Variants in MAP7D1 observed in about 807,000 individuals in gnomAD.
MAP7D1 encodes MAP7 domain containing 1, also known as MAP7 domain-containing protein 1.
MAP7D1 carries 30 observed loss-of-function variants against 97.5 expected under a neutral mutation model. That is an observed-to-expected ratio of 0.31 (90% CI 0.23 to 0.42). MAP7D1 has a LOEUF of 0.42. Ranked by LOEUF, MAP7D1 falls within the 10% of genes least tolerant of loss-of-function variation. The pLI, the probability that MAP7D1 is intolerant of heterozygous loss-of-function variation, is 1.00. For synonymous variants in MAP7D1, 536 were observed against 477.1 expected (o/e 1.12, Z -1.61); for missense variants, 1,184 against 1,179.5 (o/e 1.00, Z -0.06).
chr1:36,171,000 A>G lies in MAP7D1; in HGVS notation c.76A>G (p.Arg26Gly), dbSNP rs1557776181. 6.5e-7 allele frequency: 1 copy of G among 1,529,634 alleles called. No homozygotes were observed. Among genetic ancestry groups the G allele is most frequent in the South Asian group, 1.2e-5 (1 of 86,892 alleles). 94.8% of individuals were successfully genotyped at this position (1,529,634 alleles called of 1,614,324 possible). A position where few individuals can be genotyped will look rare whatever the true frequency, so the allele number is the denominator to read the frequency against. Reference protein sequence around the residue: ...AVVARTPPEPRPSPEGDPSPP... With the variant: ...AVVARTPPEPGPSPEGDPSPP... ...GGTCGCCAGGACCCCCCCAGAGCCA[A>G]GACCTTCTCCAGAAGGTGACCCTTC... The change falls in exon 2 of 17, where the codon AGA (arginine) becomes GGA (glycine). Residue 26 changes from arginine (R) to glycine (G), a missense_variant. By Grantham distance (125) the Arg-to-Gly change is moderately radical. Transcript: ENST00000474796.
At position 36,177,954 on chromosome 1, in the gene MAP7D1, C is replaced by A. The variant is rs1433681465; in HGVS notation, c.1461C>A (p.Gly487=). Residue 487 remains glycine (G), a synonymous_variant, in exon 9 of 17, where the codon GGC becomes GGA. Transcript: ENST00000474796. The stretch of plus-strand genomic sequence containing the variant: ...CCCCCTGCCCCAGCCCAGGGCCAGG[C>A]CACACTCTGCCTCCAAAGCCACCGT... ...PASPCPSPGP[G]HTLPPKPPSP... is the part of the protein sequence containing the mutation. 1.1e-5 allele frequency: 18 copies of A among 1,598,244 alleles called. No homozygotes were observed. The highest frequency in any genetic ancestry group is 1.2e-5 in the Non-Finnish European group (14 of 1,170,266).
At chr1:36,161,910 TGAGA>T (rs1553183493) in intron 1 of MAP7D1, among the ~76,000 whole-genome samples, 3 of 105,642 alleles carry the variant, frequency 2.8e-5, no homozygotes, top group South Asian at 3.0e-4. Flanking sequence ...TGTGTGTGTG[TGAGA>T]GAGAGAGGAG....
Position 36,174,878 on chromosome 1 carries a change from C to G in MAP7D1, c.740-20C>G. On this transcript the variant is annotated intron_variant, in intron 5 of 16. Coordinates refer to ENST00000474796, the MANE Select transcript of MAP7D1 (RefSeq NM_001388490.1). The stretch of plus-strand genomic sequence containing the variant: ...CTCCTGCCGGGCCCGGCCCTAATGC[C>G]GTGTCTTTTCCCCCTCCAGGTGGGA... 6.6e-7 allele frequency: 1 copy of G among 1,521,730 alleles called. No homozygotes were observed. Among genetic ancestry groups the G allele is most frequent in the Non-Finnish European group, 9.1e-7 (1 of 1,096,518 alleles). 94.3% of individuals were successfully genotyped at this position (1,521,730 alleles called of 1,614,324 possible). A position where few individuals can be genotyped will look rare whatever the true frequency, so the allele number is the denominator to read the frequency against.
rs1463700744 is a variant in MAP7D1, at chr1:36,156,191, G to C, written c.-227G>C. 5 of 422,386 alleles carry C rather than the reference G, an allele frequency of 1.2e-5. No individual in the cohort carries two copies. The highest frequency in any genetic ancestry group is 2.1e-5 in the African/African-American group (1 of 48,012). 26.2% of individuals were successfully genotyped at this position (422,386 alleles called of 1,614,324 possible). On this transcript the variant is annotated 5_prime_UTR_variant, in exon 1 of 17. Coordinates refer to ENST00000474796, the MANE Select transcript of MAP7D1 (RefSeq NM_001388490.1). ...CCGAGGCCGGGACTGGGCCGGCGCCGGGCGGGGAACGGGTTCGCGACCGCA... is the reference window on the plus strand; with the variant it reads ...CCGAGGCCGGGACTGGGCCGGCGCCCGGCGGGGAACGGGTTCGCGACCGCA...
chr1:36,165,729 C>CTTTTTTT (rs34713399), intron 1 of MAP7D1, among the ~76,000 whole-genome samples: 1 of 118,292 alleles, frequency 8.5e-6, no homozygotes. Context: ...CAGTTTGTAG[C>CTTTTTTT]TTTTTTTTTT....
intron 2 of MAP7D1, 72 bp from the exon 3 acceptor site, chr1:36,171,441 G>A: frequency 6.3e-7 from 1 of 1,583,848 alleles, no homozygotes; most frequent in Admixed American, 1.7e-5. Flanking sequence ...GAGGCCCGGA[G>A]GGAGGGATCT....
In MAP7D1 at chr1:36,178,134, T is replaced by TTCGCCGGCGCCC. The variant is rs777074429; in HGVS notation, c.1647_1658dup (p.Ala550_Pro553dup). Reference sequence around the variant, plus strand: ...CAGCAGCCCCAGCCTCACCGGCACCTTCGCCGGCGCCCTCGCCCACCCCAG... The same window carrying TTCGCCGGCGCCC: ...CAGCAGCCCCAGCCTCACCGGCACCTTCGCCGGCGCCCTCGCCGGCGCCCTCGCCCACCCCAG... On this transcript the variant is annotated inframe_insertion, in exon 9 of 17. Coordinates refer to ENST00000474796, the MANE Select transcript of MAP7D1 (RefSeq NM_001388490.1). The TTCGCCGGCGCCC allele has an allele frequency of 5.0e-6, 8 of 1,585,714 alleles. No individual in the cohort carries two copies. The highest frequency in any genetic ancestry group is 6.9e-6 in the Non-Finnish European group (8 of 1,167,316).
In MAP7D1 at chr1:36,173,419, G is replaced by T; in HGVS notation, c.680G>T (p.Arg227Leu). The T allele has an allele frequency of 6.2e-7, 1 of 1,614,082 alleles. No homozygotes were observed. Among genetic ancestry groups the T allele is most frequent in the South Asian group, 1.1e-5 (1 of 91,064 alleles). ...GTGAAGAAGACGTGGGCCGAAATCCGGCAGCAGCGCTGGTCCTGGGCAGGG... is the reference window on the plus strand; with the variant it reads ...GTGAAGAAGACGTGGGCCGAAATCCTGCAGCAGCGCTGGTCCTGGGCAGGG... ...RSVKKTWAEI[R>L]QQRWSWAGAL... Residue 227 changes from arginine to leucine, a missense_variant, in exon 5 of 17, where the codon CGG (arginine) becomes CTG (leucine). Coordinates refer to ENST00000474796, the MANE Select transcript of MAP7D1 (RefSeq NM_001388490.1).
chr1:36,173,496 GC>G lies in MAP7D1; in HGVS notation c.739+19del. ...TAAGACCAGTGAGTAGGCTGGAGGG[GC>G]TGGGGAGTGGGTGGGCAAGGCTGGG... On this transcript the variant is annotated intron_variant, in intron 5 of 16. Coordinates refer to ENST00000474796, the MANE Select transcript of MAP7D1 (RefSeq NM_001388490.1). 1 of 1,567,920 alleles carries G rather than the reference GC, an allele frequency of 6.4e-7. No homozygotes were observed. Among genetic ancestry groups the G allele is most frequent in the Non-Finnish European group, 8.7e-7 (1 of 1,151,764 alleles).
At position 36,161,702 on chromosome 1, in the gene MAP7D1, T is replaced by C. The variant is rs578105640; in HGVS notation, c.46+5239T>C. Among the ~76,000 whole-genome samples the C allele has an allele frequency of 2.8e-4, 42 of 152,274 alleles. No homozygotes were observed. The South Asian group carries it at 8.7e-3, about 32-fold the overall frequency. On this transcript the variant is annotated intron_variant, in intron 1 of 16. Transcript: ENST00000474796. ...GGAGCAGAAGTGACCTGGATGACGC[T>C]GTATAAATATTCCGGGGACATTGTG...
chr1:36,165,645 G>C (rs1644464764), intron 1 of MAP7D1, among the ~76,000 whole-genome samples: 1 of 151,400 alleles, frequency 6.6e-6, no homozygotes, highest in Non-Finnish European at 1.5e-5. Flanking sequence ...TCAAACTCCT[G>C]GCCTTAAGGG....
chr1:36,180,830 A>AT lies in MAP7D1; in HGVS notation c.*573dup, dbSNP rs1269864509. On this transcript the variant is annotated 3_prime_UTR_variant, in exon 17 of 17. Transcript: ENST00000474796. ...TGCATCTGATTAAATGTCTCCAGAA[A>AT]TAAAGAATAATTCTGCCAATCCTGC... The AT allele has an allele frequency of 6.4e-6, 1 of 157,006 alleles. No homozygotes were observed. Among genetic ancestry groups the AT allele is most frequent in the Non-Finnish European group, 1.4e-5 (1 of 70,530 alleles). 9.7% of individuals were successfully genotyped at this position (157,006 alleles called of 1,614,324 possible).
At position 36,178,008 on chromosome 1, in the gene MAP7D1, G is replaced by A; in HGVS notation, c.1515G>A (p.Lys505=). Residue 505 remains lysine (K), a synonymous_variant, in exon 9 of 17, where the codon AAG becomes AAA. Coordinates refer to ENST00000474796, the MANE Select transcript of MAP7D1 (RefSeq NM_001388490.1). ...CCCGAGGCACCACTGCATCCCCCAA[G>A]GGGCGGGTTCGGAGGAAGGAGGAGG... ...PSPRGTTASP[K]GRVRRKEEAK... 3 of 1,613,490 alleles carry A rather than the reference G, an allele frequency of 1.9e-6. No homozygotes were observed. The highest frequency in any genetic ancestry group is 2.5e-6 in the Non-Finnish European group (3 of 1,179,638).
At chr1:36,156,594 A>T in intron 1 of MAP7D1, 131 bp downstream of exon 1, 1 of 681,816 alleles carries the variant, frequency 1.5e-6, no homozygotes, top group South Asian at 3.6e-5. Flanking sequence ...AAGTTTAAAA[A>T]TAAAGGCTGC....
Position 36,171,002 on chromosome 1 carries a change from A to T in MAP7D1, c.78A>T (p.Arg26Ser). 2.7e-6 allele frequency: 4 copies of T among 1,476,560 alleles called. No individual in the cohort carries two copies. The highest frequency in any genetic ancestry group is 3.7e-6 in the Non-Finnish European group (4 of 1,068,220). 91.5% of individuals were successfully genotyped at this position (1,476,560 alleles called of 1,614,324 possible). The stretch of plus-strand genomic sequence containing the variant: ...TCGCCAGGACCCCCCCAGAGCCAAG[A>T]CCTTCTCCAGAAGGTGACCCTTCCC... ...AVVARTPPEP[R>S]PSPEGDPSPP... The change falls in exon 2 of 17, where the codon AGA (arginine) becomes AGT (serine). Residue 26 changes from arginine (R) to serine (S), a missense_variant. Arg to Ser is a moderately radical substitution (Grantham distance 110). Transcript: ENST00000474796.
rs932334793 is a variant in MAP7D1, at chr1:36,165,926, C to T, written c.47-5045C>T. On this transcript the variant is annotated intron_variant, in intron 1 of 16. Transcript: ENST00000474796. ...TTGTGTTTTTTAGTAGACGGGATTT[C>T]GCCATTGTGGCCAGGCTGGTCTCGA... Among the ~76,000 whole-genome samples, 154 of 151,962 alleles carry T rather than the reference C, an allele frequency of 1.0e-3. 1 individual carries two copies. The highest frequency in any genetic ancestry group is 3.6e-3 in the African/African-American group (147 of 41,356).
intron 1 of MAP7D1, among the ~76,000 whole-genome samples, chr1:36,161,877 A>ATGTGTGTGTATG (rs1644415418): frequency 7.2e-6 from 1 of 139,042 alleles, no homozygotes. Flanking sequence ...GTGTGTGTGT[A>ATGTGTGTGTATG]TGTGTGTGTG....
chr1:36,171,573 A>G lies in MAP7D1; in HGVS notation c.452A>G (p.Lys151Arg). The change falls in exon 3 of 17, where the codon AAG becomes AGG. Residue 151 changes from lysine (K) to arginine (R), a missense_variant. Lys to Arg is a conservative substitution (Grantham distance 26). Coordinates refer to ENST00000474796, the MANE Select transcript of MAP7D1 (RefSeq NM_001388490.1). ...AAGGAGCGGCGAGAAGAGCGGGCCA[A>G]GTACCTGGGTGAGTGAGCAGGAAGC... The part of the protein sequence containing the change: ...LAKERREERA[K>R]YLAAKKAVWL... 1 of 1,614,146 alleles carries G rather than the reference A, an allele frequency of 6.2e-7. No individual in the cohort carries two copies. Among genetic ancestry groups the G allele is most frequent in the Non-Finnish European group, 8.5e-7 (1 of 1,180,000 alleles).
Position 36,159,667 on chromosome 1 carries a change from G to A in MAP7D1, c.46+3204G>A, listed in dbSNP as rs747930288. Among the ~76,000 whole-genome samples the A allele has an allele frequency of 6.6e-6, 1 of 152,204 alleles. No homozygotes were observed. The highest frequency in any genetic ancestry group is 1.5e-5 in the Non-Finnish European group (1 of 68,032). On this transcript the variant is annotated intron_variant, in intron 1 of 16. Transcript: ENST00000474796. The surrounding 1 kb of genome is among the most constrained non-coding windows in gnomAD (Gnocchi z 5.4). ...GAATCAGACGGAGTTTTGACTCTTG[G>A]GGAGCTCTTAACGCGGCGAGGAAGG...
Sources: gnomAD v4.1 joint callset for allele counts (sites outside exome capture counted in the v4.1 genomes callset) on GRCh38, gnomAD v4.1.1 for gene constraint, Gnocchi (gnomAD v3.1) non-coding constraint, MANE v1.5 for transcripts, NCBI Gene and HGNC (gene_info 2026-07-23, HGNC 2026-07-21) for gene names.